Variants in MYBPC1 observed in about 807,000 individuals in gnomAD.
MYBPC1 encodes the protein myosin-binding protein C, slow-type.
Under a neutral mutation model 147.1 loss-of-function variants are expected in MYBPC1, and 52 were observed. The observed-to-expected ratio is 0.35, with a 90% CI of 0.28 to 0.45. MYBPC1 has a LOEUF of 0.45. Among genes scored for constraint, MYBPC1 ranks in the 20% least tolerant of loss-of-function variants. The probability of loss-of-function intolerance (pLI) is 1.00; values close to 1 mark genes in which losing one functional copy is unlikely to be tolerated. For synonymous variants in MYBPC1, 477 were observed against 475.9 expected (o/e 1.00, Z -0.03); for missense variants, 1,228 against 1,440.3 (o/e 0.85, Z 2.39).
chr12:101,603,742 GA>G (rs1479323618), intron 1 of MYBPC1, among the ~76,000 whole-genome samples: 1 of 152,196 alleles, frequency 6.6e-6, no homozygotes, highest in Non-Finnish European at 1.5e-5. Context: ...AGGGGTTTGA[GA>G]CCAGCCCAAG....
chr12:101,607,520 A>G (rs1251406530), intron 1 of MYBPC1, among the ~76,000 whole-genome samples: 1 of 151,848 alleles, frequency 6.6e-6, no homozygotes. Flanking sequence ...TTTCTAAAGA[A>G]TATTTTTATT....
chr12:101,629,248 CT>C lies in MYBPC1; in HGVS notation c.179-185del, dbSNP rs1011516191. On this transcript the variant is annotated intron_variant, in intron 5 of 31. Coordinates refer to ENST00000361466, the MANE Select transcript of MYBPC1 (RefSeq NM_002465.4). ...TTGCCCCATCATGGAAGAGATACCC[CT>C]GTAAGAATGGGAATCTGTTCCCCTC... is the stretch of plus-strand genomic sequence containing the variant. 2.4e-5 allele frequency: 15 copies of C among 630,652 alleles called. No homozygotes were observed. In the African/African-American group the frequency reaches 2.6e-4, roughly 11 times the overall value. The allele number at this position is 630,652 out of a possible 1,614,324, so 39.1% of individuals were successfully genotyped here. A position where few individuals can be genotyped will look rare whatever the true frequency, so the allele number is the denominator to read the frequency against.
intron 9 of MYBPC1, among the ~76,000 whole-genome samples, chr12:101,635,175 G>A (rs571880727): frequency 6.6e-6 from 1 of 152,240 alleles, no homozygotes; most frequent in South Asian, 2.1e-4. Flanking sequence ...AATTACCAAG[G>A]CTGAAAAATG....
chr12:101,615,835 G>A (rs1210983770), intron 2 of MYBPC1, among the ~76,000 whole-genome samples: 6 of 151,862 alleles, frequency 4.0e-5, no homozygotes, highest in Admixed American at 3.9e-4. Context: ...AACTTATGAG[G>A]CAATTATAAA....
intron 25 of MYBPC1, 121 bp from the exon 26 acceptor site, chr12:101,675,171 G>A: frequency 2.2e-6 from 3 of 1,344,746 alleles, no homozygotes; most frequent in South Asian, 1.3e-5. Context: ...CCCATGGTAG[G>A]GTCTAGAAGA....
At chr12:101,663,716 C>A (rs1896967959) in intron 22 of MYBPC1, among the ~76,000 whole-genome samples, 156 bp downstream of exon 22, 1 of 152,124 alleles carries the variant, frequency 6.6e-6, no homozygotes, top group South Asian at 2.1e-4. Flanking sequence ...TAAACTAAGC[C>A]CTTTTTTAGT....
the MYBPC1 span, among the ~76,000 whole-genome samples, chr12:101,691,599 G>A: frequency 6.6e-6 from 1 of 152,218 alleles, no homozygotes; most frequent in Non-Finnish European, 1.5e-5. Context: ...CCTAAATCAA[G>A]ATGTTCTTTC....
chr12:101,641,680 C>T (rs1892075177), intron 10 of MYBPC1, among the ~76,000 whole-genome samples: 1 of 152,084 alleles, frequency 6.6e-6, no homozygotes, highest in Non-Finnish European at 1.5e-5. Flanking sequence ...TTCCAAAAAA[C>T]ATTCAAGACA....
chr12:101,675,257 T>G, intron 25 of MYBPC1, 35 bp from the exon 26 acceptor site: 1 of 1,613,318 alleles, frequency 6.2e-7, no homozygotes, highest in Non-Finnish European at 8.5e-7. Context: ...GGAAAGAAAG[T>G]GACCTTGCAG....
intron 3 of MYBPC1, among the ~76,000 whole-genome samples, chr12:101,622,602 A>C (rs1887681994): frequency 6.6e-6 from 1 of 152,010 alleles, no homozygotes; most frequent in Non-Finnish European, 1.5e-5. Context: ...AGGCATGGTG[A>C]CAAACACCTG....
chr12:101,649,606 C>T (rs549392485), intron 15 of MYBPC1, among the ~76,000 whole-genome samples, 180 bp downstream of exon 15: 9 of 152,058 alleles, frequency 5.9e-5, no homozygotes, highest in South Asian at 2.1e-4. Context: ...GAAGGAACCA[C>T]GACTCAATTT....
At chr12:101,661,826 C>T (rs908162300) in intron 20 of MYBPC1, among the ~76,000 whole-genome samples, 14 of 143,760 alleles carry the variant, frequency 9.7e-5, no homozygotes, top group African/African-American at 3.4e-4. Flanking sequence ...GGCCCTGGGG[C>T]GTGGAGGTTG....
At chr12:101,684,192 A>G (rs376090027) in intron 30 of MYBPC1, among the ~76,000 whole-genome samples, 190 bp from the exon 31 acceptor site, 2 of 152,216 alleles carry the variant, frequency 1.3e-5, no homozygotes, top group South Asian at 2.1e-4. Context: ...GATCCTTTTG[A>G]CGTGACTGGA....
chr12:101,693,688 A>G, the MYBPC1 span, among the ~76,000 whole-genome samples: 1 of 152,222 alleles, frequency 6.6e-6, no homozygotes. Flanking sequence ...CAGTGAGTTC[A>G]GATTGCGCCA....
chr12:101,628,128 T>A, intron 5 of MYBPC1: 1 of 331,730 alleles, frequency 3.0e-6, no homozygotes, highest in South Asian at 2.7e-5. Context: ...TATAGAACTT[T>A]ACATACAGAT....
chr12:101,666,695 G>T, intron 22 of MYBPC1: 1 of 1,452,496 alleles, frequency 6.9e-7, no homozygotes, highest in Non-Finnish European at 9.7e-7. Flanking sequence ...ATATTATTCT[G>T]GTGTGAAAGT....
intron 25 of MYBPC1, 96 bp downstream of exon 25, chr12:101,673,718 G>C: frequency 1.5e-6 from 2 of 1,344,238 alleles, no homozygotes; most frequent in Non-Finnish European, 1.1e-6. Flanking sequence ...TTGTTAGGCT[G>C]GCTCTACATA....
At chr12:101,670,794 A>G (rs559275000) in intron 24 of MYBPC1, among the ~76,000 whole-genome samples, 9 of 152,330 alleles carry the variant, frequency 5.9e-5, no homozygotes, top group Non-Finnish European at 1.3e-4. Context: ...TCAGGAAAAC[A>G]GTGTGTGCTT....
At chr12:101,674,810 C>A (rs1435165579) in intron 25 of MYBPC1, among the ~76,000 whole-genome samples, 1 of 140,030 alleles carries the variant, frequency 7.1e-6, no homozygotes, top group Non-Finnish European at 1.5e-5. Context: ...CTGCTGTGAG[C>A]CAAGATTTCA....
Sources: gnomAD v4.1 joint callset for allele counts (sites outside exome capture counted in the v4.1 genomes callset) on GRCh38, gnomAD v4.1.1 for gene constraint, MANE v1.5 for transcripts, NCBI Gene and HGNC (gene_info 2026-07-23, HGNC 2026-07-21) for gene names.